Variants in KAZN observed in about 807,000 individuals in gnomAD.
KAZN encodes kazrin, periplakin interacting protein.
In KAZN, 40 loss-of-function variants were observed where a neutral mutation model predicts 87.4. That is an observed-to-expected ratio of 0.46 (90% CI 0.36 to 0.60). The LOEUF (loss-of-function observed/expected upper bound fraction) is 0.60. KAZN is among the 20% of genes least tolerant of loss of function. The pLI is 0.00. For synonymous variants in KAZN, 466 were observed against 458.3 expected (o/e 1.02, Z -0.22); for missense variants, 898 against 1,073.9 (o/e 0.84, Z 2.29).
intron 1 of KAZN, among the ~76,000 whole-genome samples, chr1:13,957,633 AG>A (rs1300466352): frequency 1.3e-5 from 2 of 152,156 alleles, no homozygotes; most frequent in African/African-American, 4.8e-5. Flanking sequence ...CAGAAGGCAA[AG>A]GGAAGCCAGG....
In KAZN at chr1:14,499,363, C is replaced by G. The variant is rs191734038; in HGVS notation, c.250-99620C>G. Among the ~76,000 whole-genome samples the G allele has an allele frequency of 3.3e-5, 5 of 152,202 alleles. No homozygotes were observed. The South Asian group carries it at 6.2e-4, about 19-fold the overall frequency. The stretch of plus-strand genomic sequence containing the variant: ...GGGGTGGATGCTCACTTCTCTCCCC[C>G]ACCCAAGTCTTAGATAGGGAGAAGG... On this transcript the variant is annotated intron_variant, in intron 2 of 16. Transcript: ENST00000636203.
At chr1:14,186,692 G>C (rs748598133) in intron 2 of KAZN, among the ~76,000 whole-genome samples, 1 of 152,162 alleles carries the variant, frequency 6.6e-6, no homozygotes, top group Non-Finnish European at 1.5e-5. Flanking sequence ...AGCAAGTGCA[G>C]ACTGGTATTA....
intron 2 of KAZN, among the ~76,000 whole-genome samples, chr1:14,186,169 G>T (rs1646302857): frequency 6.6e-6 from 1 of 152,056 alleles, no homozygotes; most frequent in Admixed American, 6.6e-5. Flanking sequence ...ACATCATAGA[G>T]CTTTTATGTT....
rs142168820 is a variant in KAZN, at chr1:14,766,726, G to A, written c.226+167503G>A. 3.3e-3 allele frequency among the ~76,000 whole-genome samples: 497 copies of A among 150,804 alleles called. 4 individuals are homozygous for A. The highest frequency in any genetic ancestry group is 0.012 in the African/African-American group (490 of 40,946). On this transcript the variant is annotated intron_variant, in intron 1 of 14. Transcript: ENST00000376030. Reference sequence around the variant, plus strand: ...CAAGTGCCAACATTTATCCCACGATGGGAGGCAGTGTAGCGCACTGTTGCC... The same window carrying A: ...CAAGTGCCAACATTTATCCCACGATAGGAGGCAGTGTAGCGCACTGTTGCC...
intron 2 of KAZN, among the ~76,000 whole-genome samples, chr1:14,456,488 G>C (rs894648737): frequency 2.0e-5 from 3 of 152,010 alleles, no homozygotes; most frequent in Non-Finnish European, 4.4e-5. Context: ...GTATTGTCTG[G>C]CATGTATAGA....
intron 1 of KAZN, among the ~76,000 whole-genome samples, chr1:14,660,527 TTCTC>T (rs35829534): frequency 5.0e-5 from 6 of 120,018 alleles, no homozygotes; most frequent in Admixed American, 7.9e-5. Context: ...CTCTCCAAGT[TTCTC>T]TCTCTCTCTC....
intron 2 of KAZN, among the ~76,000 whole-genome samples, chr1:14,992,002 A>G (rs1349940968): frequency 1.3e-5 from 2 of 152,166 alleles, no homozygotes; most frequent in African/African-American, 4.8e-5. Flanking sequence ...GGCCTCCAGA[A>G]TACACCTCTC....
At chr1:14,530,254 C>G (rs938889633) in intron 2 of KAZN, among the ~76,000 whole-genome samples, 2 of 152,140 alleles carry the variant, frequency 1.3e-5, no homozygotes, top group African/African-American at 4.8e-5. Flanking sequence ...ACTTAACACC[C>G]AAAGCAGACT....
At chr1:14,568,784 A>G (rs1475818902) in intron 2 of KAZN, among the ~76,000 whole-genome samples, 1 of 152,190 alleles carries the variant, frequency 6.6e-6, no homozygotes, top group African/African-American at 2.4e-5. Flanking sequence ...GAGATAAGGA[A>G]TGGGTGTTGT....
intron 2 of KAZN, among the ~76,000 whole-genome samples, chr1:14,322,313 T>G (rs1037097202): frequency 6.6e-6 from 1 of 152,148 alleles, no homozygotes; most frequent in Non-Finnish European, 1.5e-5. Flanking sequence ...AACAATGACG[T>G]GGCATTCTCT....
intron 2 of KAZN, among the ~76,000 whole-genome samples, chr1:14,488,006 T>C (rs949448396): frequency 1.3e-5 from 2 of 152,036 alleles, no homozygotes; most frequent in African/African-American, 4.8e-5. Context: ...GACTGGAGGG[T>C]TTTGACTAAG....
intron 2 of KAZN, among the ~76,000 whole-genome samples, chr1:14,982,228 C>T (rs1015314465): frequency 9.2e-5 from 14 of 152,052 alleles, no homozygotes; most frequent in Non-Finnish European, 1.8e-4. Context: ...CGTTCCAGCC[C>T]GCGATCCACA....
At chr1:14,265,854 T>A (rs1651435273) in intron 2 of KAZN, among the ~76,000 whole-genome samples, 1 of 152,236 alleles carries the variant, frequency 6.6e-6, no homozygotes. Flanking sequence ...TTCCTTAATT[T>A]CCATTTCCAT....
intron 1 of KAZN, among the ~76,000 whole-genome samples, chr1:14,797,050 G>T (rs1321610760): frequency 5.3e-5 from 8 of 152,046 alleles, no homozygotes; most frequent in Admixed American, 4.6e-4. Context: ...GTGGTGCTGG[G>T]TTTTTTTGTT....
intron 2 of KAZN, among the ~76,000 whole-genome samples, chr1:14,469,773 G>C (rs142043583): frequency 1.4e-4 from 21 of 152,244 alleles, no homozygotes; most frequent in African/African-American, 4.6e-4. Flanking sequence ...ATTAATGATG[G>C]GTTGTTCAAC....
At chr1:15,019,065 C>T (rs763888104) in intron 2 of KAZN, among the ~76,000 whole-genome samples, 1 of 152,176 alleles carries the variant, frequency 6.6e-6, no homozygotes, top group Non-Finnish European at 1.5e-5. Flanking sequence ...CAGACTGAGA[C>T]TCATCTTATC....
At chr1:14,192,258 G>A (rs1339368) in intron 2 of KAZN, among the ~76,000 whole-genome samples, 27,922 of 152,100 alleles carry the variant, frequency 0.18, 3,992 homozygotes, top group African/African-American at 0.39. Flanking sequence ...CTTGCAACAT[G>A]AGGAATTTTG....
intron 2 of KAZN, among the ~76,000 whole-genome samples, chr1:14,326,460 C>A (rs148371968): frequency 0.011 from 1,640 of 152,306 alleles, 7 homozygotes; most frequent in Middle Eastern, 0.031. Flanking sequence ...CACTGGGTTG[C>A]CCCCATCCTT....
chr1:14,177,152 C>T (rs1646095472), intron 1 of KAZN, among the ~76,000 whole-genome samples: 1 of 151,318 alleles, frequency 6.6e-6, no homozygotes, highest in Admixed American at 6.6e-5. Flanking sequence ...AGCGAGACGC[C>T]ATCTCAAAAA....
Sources: gnomAD v4.1 joint callset for allele counts (sites outside exome capture counted in the v4.1 genomes callset) on GRCh38, gnomAD v4.1.1 for gene constraint, MANE v1.5 for transcripts, NCBI Gene and HGNC (gene_info 2026-07-23, HGNC 2026-07-21) for gene names.